The following SUMF1 variants were observed in gnomAD, a reference collection of about 807,000 sequenced individuals.
SUMF1 encodes the protein formylglycine-generating enzyme.
Under a neutral mutation model 47.6 loss-of-function variants are expected in SUMF1, and 48 were observed. The ratio of observed to expected loss-of-function variants is 1.01; its 90% CI spans 0.80 to 1.28. The LOEUF (loss-of-function observed/expected upper bound fraction) is 1.28, where lower values mean the gene tolerates loss of function less well. Ranked by LOEUF, SUMF1 falls within the 50% of genes most tolerant of loss-of-function variation. The probability of loss-of-function intolerance (pLI) is 0.00; values close to 1 mark genes in which losing one functional copy is unlikely to be tolerated. For missense variants in SUMF1, 571 were observed against 485.4 expected, an observed-to-expected ratio of 1.18 and a Z score of -1.66; for synonymous variants, 230 against 192.1, an observed-to-expected ratio of 1.20 and a Z score of -1.63.
intron 8 of SUMF1, among the ~76,000 whole-genome samples, chr3:4,156,503 G>T (rs775029199): frequency 6.6e-6 from 1 of 151,658 alleles, no homozygotes; most frequent in Non-Finnish European, 1.5e-5. Flanking sequence ...AACTGGAACA[G>T]AAAGGCATCT....
chr3:4,365,068 G>A (rs1206064883), intron 8 of SUMF1, among the ~76,000 whole-genome samples: 2 of 151,664 alleles, frequency 1.3e-5, no homozygotes, highest in African/African-American at 4.8e-5. Context: ...TGATTGCACT[G>A]TGGTCTGAGA....
chr3:4,233,931 A>G (rs774893469), intron 8 of SUMF1, among the ~76,000 whole-genome samples: 2 of 152,112 alleles, frequency 1.3e-5, no homozygotes, highest in Non-Finnish European at 2.9e-5. Context: ...AGATTCCCCC[A>G]GGGACTAGGT....
chr3:4,234,268 A>C (rs562741978), intron 8 of SUMF1, among the ~76,000 whole-genome samples: 3 of 151,840 alleles, frequency 2.0e-5, no homozygotes, highest in African/African-American at 7.2e-5. Context: ...TTTATATTTT[A>C]TAGAAATAAA....
At chr3:4,048,466 C>T (rs956595213) in intron 9 of SUMF1, among the ~76,000 whole-genome samples, 3 of 152,156 alleles carry the variant, frequency 2.0e-5, no homozygotes, top group Admixed American at 2.0e-4. Flanking sequence ...CCCAGGTCTG[C>T]TTGATTGCAG....
intron 8 of SUMF1, among the ~76,000 whole-genome samples, chr3:4,246,181 T>C (rs1272828197): frequency 6.6e-6 from 1 of 152,230 alleles, no homozygotes; most frequent in South Asian, 2.1e-4. Context: ...TTCCCTTGGC[T>C]AGGAAAGGGA....
chr3:4,182,068 A>G (rs755239354), intron 8 of SUMF1, among the ~76,000 whole-genome samples: 3 of 152,206 alleles, frequency 2.0e-5, no homozygotes, highest in Non-Finnish European at 4.4e-5. Context: ...TTCTATTTAC[A>G]TTCTTGCCCT....
At chr3:4,074,136 A>T (rs925969287) in intron 8 of SUMF1, among the ~76,000 whole-genome samples, 2 of 152,144 alleles carry the variant, frequency 1.3e-5, no homozygotes, top group African/African-American at 4.8e-5. Context: ...CACAACAAAC[A>T]GTCTCTCAGA....
intron 8 of SUMF1, among the ~76,000 whole-genome samples, chr3:4,107,363 T>C (rs1260115250): frequency 6.6e-6 from 1 of 152,070 alleles, no homozygotes; most frequent in African/African-American, 2.4e-5. Context: ...TGCTGTTTTA[T>C]TTACTATTCA....
chr3:4,370,166 A>T (rs1275533641), intron 8 of SUMF1, among the ~76,000 whole-genome samples: 1 of 152,208 alleles, frequency 6.6e-6, no homozygotes, highest in African/African-American at 2.4e-5. Context: ...GGCCTCTCTG[A>T]GAAGATCACA....
At chr3:4,460,621 T>A (rs1018480924) in intron 1 of SUMF1, among the ~76,000 whole-genome samples, 15 of 148,014 alleles carry the variant, frequency 1.0e-4, no homozygotes, top group African/African-American at 3.8e-4. Context: ...TGTGTGTGTG[T>A]GTGAGAGTGT....
chr3:4,168,003 G>A (rs1353043146), intron 8 of SUMF1, among the ~76,000 whole-genome samples: 2 of 152,106 alleles, frequency 1.3e-5, no homozygotes, highest in Non-Finnish European at 2.9e-5. Context: ...TCTGTCCAGA[G>A]TCTTATACAT....
intron 9 of SUMF1, among the ~76,000 whole-genome samples, chr3:4,068,124 G>T (rs1695422071): frequency 6.6e-6 from 1 of 152,142 alleles, no homozygotes; most frequent in Non-Finnish European, 1.5e-5. Flanking sequence ...CATCTGAGAT[G>T]CAAACCAATT....
intron 7 of SUMF1, among the ~76,000 whole-genome samples, 185 bp from the exon 8 acceptor site, chr3:4,376,574 T>C (rs1477877889): frequency 2.0e-5 from 3 of 152,146 alleles, no homozygotes; most frequent in African/African-American, 4.8e-5. Flanking sequence ...CCCCAAATCC[T>C]ACCCATCTTC....
chr3:4,231,561 G>T (rs1004998652), intron 8 of SUMF1, among the ~76,000 whole-genome samples: 6 of 152,104 alleles, frequency 3.9e-5, no homozygotes, highest in African/African-American at 1.4e-4. Flanking sequence ...GGTCACAGAG[G>T]TATCTGCTAT....
intron 8 of SUMF1, among the ~76,000 whole-genome samples, chr3:4,350,419 T>C (rs1047841372): frequency 1.3e-5 from 2 of 151,922 alleles, no homozygotes; most frequent in African/African-American, 2.4e-5. Context: ...TATATCCATA[T>C]ATACATGTAG....
At chr3:4,261,081 G>A (rs1285192261) in intron 8 of SUMF1, among the ~76,000 whole-genome samples, 1 of 152,150 alleles carries the variant, frequency 6.6e-6, no homozygotes, top group Non-Finnish European at 1.5e-5. Context: ...GTTTGACACT[G>A]TACAGATTGG....
chr3:4,216,749 A>C (rs539502627), intron 8 of SUMF1, among the ~76,000 whole-genome samples: 17 of 152,384 alleles, frequency 1.1e-4, no homozygotes, highest in Admixed American at 5.2e-4. Flanking sequence ...TGCAGTCAAC[A>C]AACATATGAA....
At chr3:4,379,054 C>T (rs1467359224) in intron 7 of SUMF1, among the ~76,000 whole-genome samples, 1 of 152,214 alleles carries the variant, frequency 6.6e-6, no homozygotes, top group Non-Finnish European at 1.5e-5. Flanking sequence ...ACACAGTCCT[C>T]AATTTAGGTG....
rs73807241 is a variant in SUMF1, at chr3:4,449,676, G to A, written c.445-336C>T. 2.4e-3 allele frequency among the ~76,000 whole-genome samples: 359 copies of A among 152,348 alleles called. 1 individual carries two copies. The highest frequency in any genetic ancestry group is 8.2e-3 in the African/African-American group (342 of 41,584). The stretch of plus-strand genomic sequence containing the variant: ...GGGAAATAGTATTCTGTACGTGTGA[G>A]ATTACATAATCAATCTTTGTCCTTT... On this transcript the variant is annotated intron_variant, in intron 2 of 8. Transcript: ENST00000272902.
Sources: allele counts gnomAD v4.1 joint callset (sites outside exome capture counted in the v4.1 genomes callset), GRCh38; gene constraint gnomAD v4.1.1; transcripts MANE v1.5; gene names NCBI Gene and HGNC (gene_info 2026-07-23, HGNC 2026-07-21).